MAN2A1: variants seen among roughly 807,000 people sequenced by gnomAD.
MAN2A1 encodes the protein mannosidase alpha class 2A member 1.
In MAN2A1, 76 loss-of-function variants were observed where a neutral mutation model predicts 142.6. The observed-to-expected ratio is 0.53, with a 90% CI of 0.44 to 0.65. The LOEUF (loss-of-function observed/expected upper bound fraction) is 0.65. Ranked by LOEUF, MAN2A1 falls within the 30% of genes least tolerant of loss-of-function variation. The pLI, the probability that MAN2A1 is intolerant of heterozygous loss-of-function variation, is 0.00. For synonymous variants in MAN2A1, 559 were observed against 473.2 expected, an observed-to-expected ratio of 1.18 and a Z score of -2.35; for missense variants, 1,311 against 1,365.1, an observed-to-expected ratio of 0.96 and a Z score of 0.62.
chr5:109,703,143 G>A lies in MAN2A1; in HGVS notation c.136-10377G>A, dbSNP rs147787702. ...ATGAAAAACGATCTCAGACATGTCA[G>A]TTGCATTTATTTTAATAGGCCAACA... On this transcript the variant is annotated intron_variant, in intron 1 of 21. Coordinates refer to ENST00000261483, the MANE Select transcript of MAN2A1 (RefSeq NM_002372.4). 7.9e-5 allele frequency among the ~76,000 whole-genome samples: 12 copies of A among 152,308 alleles called. No homozygotes were observed. In the South Asian group the frequency reaches 2.5e-3, roughly 32 times the overall value.
chr5:109,789,609 G>A (rs917533650), intron 12 of MAN2A1, 82 bp downstream of exon 12: 16 of 907,626 alleles, frequency 1.8e-5, no homozygotes, highest in African/African-American at 8.7e-5. Context: ...TTTAGTTAGC[G>A]TATATTTTGA....
intron 12 of MAN2A1, among the ~76,000 whole-genome samples, chr5:109,809,686 A>T (rs928242382): frequency 6.6e-6 from 1 of 151,992 alleles, no homozygotes; most frequent in Non-Finnish European, 1.5e-5. Flanking sequence ...TTGCCTTTTC[A>T]TAGGGGATTT....
chr5:109,799,270 C>T (rs1363752132), intron 12 of MAN2A1, among the ~76,000 whole-genome samples: 1 of 152,162 alleles, frequency 6.6e-6, no homozygotes, highest in Non-Finnish European at 1.5e-5. Flanking sequence ...ACTCTAGACT[C>T]TTTAACGTGG....
chr5:109,702,315 T>TTGTGTGTG (rs34048618), intron 1 of MAN2A1, among the ~76,000 whole-genome samples: 1,961 of 144,108 alleles, frequency 0.014, 9 homozygotes, highest in Middle Eastern at 0.017. Context: ...AGAACATAAA[T>TTGTGTGTG]TGTGTGTGTG....
At position 109,767,403 on chromosome 5, in the gene MAN2A1, A is replaced by T. The variant is rs963148728; in HGVS notation, c.836-132A>T. The T allele has an allele frequency of 6.3e-6, 4 of 636,682 alleles. No homozygotes were observed. In the East Asian group the frequency reaches 1.2e-4, roughly 18 times the overall value. The allele number at this position is 636,682 out of a possible 1,614,324, so 39.4% of individuals were successfully genotyped here. A position where few individuals can be genotyped will look rare whatever the true frequency, so the allele number is the denominator to read the frequency against. ...TCTTGCTGGGAATACTTGGCAGAGG[A>T]TAATGCTGGGTAGATCCTTGGTCTG... On this transcript the variant is annotated intron_variant, in intron 5 of 21. Transcript: ENST00000261483.
chr5:109,767,531 A>G lies in MAN2A1; in HGVS notation c.836-4A>G, dbSNP rs758825551. 6 of 1,609,328 alleles carry G rather than the reference A, an allele frequency of 3.7e-6. No individual in the cohort carries two copies. In the South Asian group the frequency reaches 4.4e-5, roughly 12 times the overall value. On this transcript the variant is annotated splice_region_variant and splice_polypyrimidine_tract_variant and intron_variant, in intron 5 of 21. Transcript: ENST00000261483. Reference sequence around the variant, plus strand: ...AAATTAACACTTATCATCTTTATCCACAGGAGTGAAACCTCGGTCCGGCTG... The same window carrying G: ...AAATTAACACTTATCATCTTTATCCGCAGGAGTGAAACCTCGGTCCGGCTG...
At chr5:109,823,624 G>A (rs1475059082) in intron 15 of MAN2A1, 99 bp from the exon 16 acceptor site, 1 of 656,056 alleles carries the variant, frequency 1.5e-6, no homozygotes, top group Admixed American at 2.5e-5. Flanking sequence ...GCAAATATCA[G>A]GTGATACGTA....
chr5:109,780,998 T>C (rs79052898), intron 8 of MAN2A1, among the ~76,000 whole-genome samples: 2,868 of 152,328 alleles, frequency 0.019, 35 homozygotes, highest in Middle Eastern at 0.075. Flanking sequence ...AAAACTGTTA[T>C]TGTAGACTTC....
intron 5 of MAN2A1, among the ~76,000 whole-genome samples, chr5:109,764,327 T>C (rs183989431): frequency 6.6e-6 from 1 of 152,308 alleles, no homozygotes; most frequent in Admixed American, 6.5e-5. Context: ...TGTTCTTGTA[T>C]TTTGAACAGT....
chr5:109,800,192 T>A (rs1211817694), intron 12 of MAN2A1, among the ~76,000 whole-genome samples: 1 of 152,100 alleles, frequency 6.6e-6, no homozygotes, highest in Non-Finnish European at 1.5e-5. Context: ...GCCTGATAAA[T>A]TTCTGATTGT....
In MAN2A1 at chr5:109,842,456, T is replaced by A. The variant is rs1755232333; in HGVS notation, c.2695T>A (p.Tyr899Asn). Residue 899 changes from tyrosine to asparagine, a missense_variant, in exon 17 of 22, where the codon TAC (tyrosine) becomes AAC (asparagine). This residue lies in a region of MAN2A1 where 890 missense variants were observed against 920.5 expected (regional missense o/e 0.97). Coordinates refer to ENST00000261483, the MANE Select transcript of MAN2A1 (RefSeq NM_002372.4). ...TAGATTTTATACTGACCTAAATGGGTACCAGGTAATTTTTCCTTTAAAATG... is the reference window on the plus strand; with the variant it reads ...TAGATTTTATACTGACCTAAATGGGAACCAGGTAATTTTTCCTTTAAAATG... ...QNRFYTDLNG[Y>N]QIQPRMTLSK... The A allele has an allele frequency of 6.5e-7, 1 of 1,544,262 alleles. No individual in the cohort carries two copies. Among genetic ancestry groups the A allele is most frequent in the African/African-American group, 1.4e-5 (1 of 72,306 alleles).
At chr5:109,718,082 C>A (rs1751504121) in intron 3 of MAN2A1, among the ~76,000 whole-genome samples, 1 of 152,100 alleles carries the variant, frequency 6.6e-6, no homozygotes, top group South Asian at 2.1e-4. Flanking sequence ...GTGGCAGAGC[C>A]ACTTGTAATA....
chr5:109,719,215 G>T (rs1383092996), intron 3 of MAN2A1, among the ~76,000 whole-genome samples: 1 of 152,072 alleles, frequency 6.6e-6, no homozygotes, highest in East Asian at 1.9e-4. Context: ...TTTTGTCTTA[G>T]TAAAAGATGT....
At chr5:109,748,986 G>T (rs896332923) in intron 4 of MAN2A1, among the ~76,000 whole-genome samples, 1 of 151,156 alleles carries the variant, frequency 6.6e-6, no homozygotes, top group East Asian at 1.9e-4. Flanking sequence ...GATATAAGTT[G>T]ATTCATTGGG....
chr5:109,851,801 T>A (rs1263459331), intron 19 of MAN2A1, among the ~76,000 whole-genome samples: 1 of 152,138 alleles, frequency 6.6e-6, no homozygotes, highest in African/African-American at 2.4e-5. Context: ...GTTCAAGTGT[T>A]AAAATTGTGT....
rs552616372 is a variant in MAN2A1, at chr5:109,708,494, A to AGACAGAACT, written c.136-5023_136-5015dup. Among the ~76,000 whole-genome samples, 89 of 146,452 alleles carry AGACAGAACT rather than the reference A, an allele frequency of 6.1e-4. 1 individual carries two copies. The highest frequency in any genetic ancestry group is 3.2e-3 in the Admixed American group (47 of 14,684). On this transcript the variant is annotated intron_variant, in intron 1 of 21. Coordinates refer to ENST00000261483, the MANE Select transcript of MAN2A1 (RefSeq NM_002372.4). ...ATGTTTTATTCAGGGTTCTCCAGAA[A>AGACAGAACT]GACAGAACTGATAGGACACACACAC...
chr5:109,859,754 G>C (rs1755710443), intron 20 of MAN2A1, among the ~76,000 whole-genome samples: 1 of 152,142 alleles, frequency 6.6e-6, no homozygotes, highest in Admixed American at 6.5e-5. Context: ...GATGAGTCAG[G>C]CTTCTGAAGC....
chr5:109,789,369 C>T lies in MAN2A1; in HGVS notation c.1876-91C>T, dbSNP rs953932605. On this transcript the variant is annotated intron_variant, in intron 11 of 21. Coordinates refer to ENST00000261483, the MANE Select transcript of MAN2A1 (RefSeq NM_002372.4). ...CTTTTTATAAGTCCTTAATCTGTTC[C>T]TCCTAAACTTGAATTTGAATGGTCT... The T allele has an allele frequency of 5.3e-6, 4 of 748,830 alleles. No homozygotes were observed. In the African/African-American group the frequency reaches 7.3e-5, roughly 14 times the overall value. The allele number at this position is 748,830 out of a possible 1,614,324, so 46.4% of individuals were successfully genotyped here.
intron 12 of MAN2A1, among the ~76,000 whole-genome samples, chr5:109,816,572 A>G (rs1356999092): frequency 6.6e-6 from 1 of 152,134 alleles, no homozygotes; most frequent in Admixed American, 6.5e-5. Context: ...TGTGTGAATT[A>G]TGTGATTTTC....
Sources: gnomAD v4.1 joint callset for allele counts (sites outside exome capture counted in the v4.1 genomes callset) on GRCh38, gnomAD v4.1.1 for gene constraint, gnomAD v4.1.1 regional missense constraint, MANE v1.5 for transcripts, NCBI Gene and HGNC (gene_info 2026-07-23, HGNC 2026-07-21) for gene names.